Variants in STOX2 observed in about 807,000 individuals in gnomAD.
STOX2 encodes storkhead-box protein 2.
A neutral mutation model predicts 60.9 loss-of-function variants in STOX2; 28 were observed. That is an observed-to-expected ratio of 0.46 (90% CI 0.34 to 0.63). The LOEUF is 0.63. Among genes scored for constraint, STOX2 ranks in the 30% least tolerant of loss-of-function variants. The pLI, the probability that STOX2 is intolerant of heterozygous loss-of-function variation, is 0.01. For synonymous variants in STOX2, 472 were observed against 463.9 expected (o/e 1.02, Z -0.22); for missense variants, 1,024 against 1,187.7 (o/e 0.86, Z 2.03).
At chr4:183,874,122 G>A (rs1056714901) in intron 1 of STOX2, among the ~76,000 whole-genome samples, 2 of 152,158 alleles carry the variant, frequency 1.3e-5, no homozygotes, top group Admixed American at 1.3e-4. Context: ...ACTCAGATGT[G>A]GTTGTACCAA....
chr4:183,954,927 CGGA>C (rs1743205049), intron 1 of STOX2, among the ~76,000 whole-genome samples: 1 of 151,674 alleles, frequency 6.6e-6, no homozygotes, highest in African/African-American at 2.4e-5. Context: ...TTAGTAGAGA[CGGA>C]GTTTCACCAT....
intron 1 of STOX2, among the ~76,000 whole-genome samples, chr4:183,966,205 G>A (rs1743561774): frequency 6.6e-6 from 1 of 152,200 alleles, no homozygotes; most frequent in African/African-American, 2.4e-5. Flanking sequence ...GGGTGGGCCT[G>A]CCCCTGTGGG....
At chr4:183,853,661 T>C (rs949482641) in intron 1 of STOX2, 1 of 152,204 alleles carries the variant, frequency 6.6e-6, no homozygotes, top group Non-Finnish European at 1.5e-5. Context: ...TGTAATAAAA[T>C]GTTGACAGCA....
At chr4:183,822,830 G>A (rs1393545407) in intron 1 of STOX2, among the ~76,000 whole-genome samples, 1 of 152,188 alleles carries the variant, frequency 6.6e-6, no homozygotes, top group Non-Finnish European at 1.5e-5. Context: ...AACTCAGTGA[G>A]GCTCTTCTTA....
rs111580142 is a variant in STOX2, at chr4:183,939,804, A to G, written c.166+32848A>G. 7.3e-3 allele frequency among the ~76,000 whole-genome samples: 1,111 copies of G among 152,316 alleles called. 5 individuals are homozygous for G. Among genetic ancestry groups the G allele is most frequent in the Middle Eastern group, 0.017 (5 of 294 alleles). Reference sequence around the variant, plus strand: ...TCCGCGTCCCAGTTTCCTCATCTGCAAGATGACATAATGGCGAAGTTATGT... The same window carrying G: ...TCCGCGTCCCAGTTTCCTCATCTGCGAGATGACATAATGGCGAAGTTATGT... On this transcript the variant is annotated intron_variant, in intron 1 of 3. Coordinates refer to ENST00000308497, the MANE Select transcript of STOX2 (RefSeq NM_020225.3).
At chr4:183,874,606 A>G (rs1387297183) in intron 1 of STOX2, among the ~76,000 whole-genome samples, 2 of 148,208 alleles carry the variant, frequency 1.3e-5, no homozygotes, top group Non-Finnish European at 3.0e-5. Flanking sequence ...GATCTGTAGA[A>G]CAGGGCACTT....
chr4:183,992,826 G>A (rs538247846), intron 1 of STOX2, among the ~76,000 whole-genome samples: 1 of 152,336 alleles, frequency 6.6e-6, no homozygotes, highest in African/African-American at 2.4e-5. Context: ...GATTCTACAA[G>A]CATTTGAGGA....
chr4:183,992,914 A>G (rs920099826), intron 1 of STOX2, among the ~76,000 whole-genome samples: 3 of 152,244 alleles, frequency 2.0e-5, no homozygotes, highest in African/African-American at 7.2e-5. Context: ...CTGATGGGTT[A>G]TAGTGTGGAG....
intron 1 of STOX2, among the ~76,000 whole-genome samples, chr4:183,916,887 C>T (rs1483125676): frequency 2.0e-5 from 3 of 152,196 alleles, no homozygotes; most frequent in African/African-American, 4.8e-5. Flanking sequence ...CTGCTTCCTC[C>T]TAGAGTTTAG....
At chr4:183,899,207 C>G (rs527457611) in intron 1 of STOX2, among the ~76,000 whole-genome samples, 39 of 152,264 alleles carry the variant, frequency 2.6e-4, no homozygotes, top group Non-Finnish European at 4.9e-4. Flanking sequence ...CTGGCCATTC[C>G]CCTCTCTCTC....
At chr4:183,827,004 G>A (rs1739450122) in intron 1 of STOX2, among the ~76,000 whole-genome samples, 1 of 152,172 alleles carries the variant, frequency 6.6e-6, no homozygotes, top group African/African-American at 2.4e-5. Context: ...CTTCTCAACA[G>A]AGCTTTGAGG....
At chr4:183,897,710 G>A (rs894387787) in intron 1 of STOX2, among the ~76,000 whole-genome samples, 1 of 152,152 alleles carries the variant, frequency 6.6e-6, no homozygotes, top group Non-Finnish European at 1.5e-5. Context: ...TAAATACACA[G>A]CATATGCAGA....
intron 1 of STOX2, among the ~76,000 whole-genome samples, chr4:183,917,513 G>A (rs1741965593): frequency 6.6e-6 from 1 of 152,244 alleles, no homozygotes; most frequent in Admixed American, 6.5e-5. Context: ...TGTTAACCTA[G>A]TGAACTCATT....
At chr4:183,809,587 C>T (rs539385102) in intron 1 of STOX2, among the ~76,000 whole-genome samples, 3 of 152,164 alleles carry the variant, frequency 2.0e-5, no homozygotes, top group Admixed American at 6.5e-5. Context: ...TTAGTAGAGA[C>T]GGAGTTTCAC....
chr4:183,938,027 AGGTCCCAGCTCCTTGG>A (rs1742636685), intron 1 of STOX2, among the ~76,000 whole-genome samples: 1 of 151,934 alleles, frequency 6.6e-6, no homozygotes, highest in Non-Finnish European at 1.5e-5. Context: ...TGTGTGCCTG[AGGTCCCAGCTCCTTGG>A]GAGGCTGTGG....
At chr4:183,839,756 T>G (rs565690025) in intron 1 of STOX2, among the ~76,000 whole-genome samples, 2 of 152,332 alleles carry the variant, frequency 1.3e-5, no homozygotes, top group Non-Finnish European at 2.9e-5. Context: ...TTGAAATATA[T>G]GTGAGTTGTT....
intron 1 of STOX2, among the ~76,000 whole-genome samples, chr4:183,819,722 T>C (rs1049441586): frequency 6.6e-6 from 1 of 152,198 alleles, no homozygotes; most frequent in Non-Finnish European, 1.5e-5. Context: ...TGAGATATTT[T>C]ATGTTCGTCA....
At chr4:183,996,533 C>T (rs1407850875) in intron 1 of STOX2, among the ~76,000 whole-genome samples, 2 of 151,994 alleles carry the variant, frequency 1.3e-5, no homozygotes, top group Non-Finnish European at 2.9e-5. Context: ...AAATGTGGTC[C>T]GGTAGTTGGA....
upstream of STOX2, among the ~76,000 whole-genome samples, chr4:183,901,488 A>G (rs79894633): frequency 3.4e-3 from 521 of 152,192 alleles, 3 homozygotes; most frequent in African/African-American, 0.012. Flanking sequence ...AGGAGTTGCC[A>G]TACTGTTTTC....
Sources: allele counts gnomAD v4.1 joint callset (sites outside exome capture counted in the v4.1 genomes callset), GRCh38; gene constraint gnomAD v4.1.1; transcripts MANE v1.5; gene names NCBI Gene and HGNC (gene_info 2026-07-23, HGNC 2026-07-21).